The following ITGAV variants were observed in gnomAD, a reference collection of about 807,000 sequenced individuals.
ITGAV encodes integrin subunit alpha V, also known as integrin alpha-V.
A neutral mutation model predicts 143.8 loss-of-function variants in ITGAV; 76 were observed. That is an observed-to-expected ratio of 0.53 (90% CI 0.44 to 0.64). ITGAV has a LOEUF of 0.64. ITGAV is among the 30% of genes least tolerant of loss of function. ITGAV has a pLI of 0.00. For missense variants in ITGAV, 1,193 were observed against 1,274.7 expected, an observed-to-expected ratio of 0.94 and a Z score of 0.98; for synonymous variants, 453 against 446.7, an observed-to-expected ratio of 1.01 and a Z score of -0.18.
intron 25 of ITGAV, 35 bp downstream of exon 25, chr2:186,668,955 A>G (rs779827462): frequency 2.7e-6 from 4 of 1,494,770 alleles, no homozygotes; most frequent in African/African-American, 2.8e-5. Flanking sequence ...CATTACAATG[A>G]TATTTCATTG....
intron 26 of ITGAV, among the ~76,000 whole-genome samples, chr2:186,670,979 C>G (rs560441726): frequency 6.6e-6 from 1 of 152,296 alleles, no homozygotes; most frequent in African/African-American, 2.4e-5. Context: ...TGACTCCTCT[C>G]TTTCTCTCAA....
At position 186,626,882 on chromosome 2, in the gene ITGAV, C is replaced by T. The variant is rs371076056; in HGVS notation, c.523+1295C>T. ...GGTATTTTGGTTATGGTACTGTCAT[C>T]TTCGGTGGTATGTAGAGAATCTGAA... On this transcript the variant is annotated intron_variant, in intron 4 of 29. Coordinates refer to ENST00000261023, the MANE Select transcript of ITGAV (RefSeq NM_002210.5). Among the ~76,000 whole-genome samples, 8 of 152,104 alleles carry T rather than the reference C, an allele frequency of 5.3e-5. No individual in the cohort carries two copies. In the East Asian group the frequency reaches 1.5e-3, roughly 29 times the overall value.
In ITGAV at chr2:186,591,804, A is replaced by C. The variant is rs116771425; in HGVS notation, c.185+1281A>C. Among the ~76,000 whole-genome samples the C allele has an allele frequency of 2.9e-3, 448 of 152,152 alleles. 2 individuals are homozygous for C. Among genetic ancestry groups the C allele is most frequent in the African/African-American group, 0.01 (431 of 41,568 alleles). ...TAGTGGAGACATTATTTTATGTAGC[A>C]AGCTTAGTTTTATTTGTTGTTAGCA... On this transcript the variant is annotated intron_variant, in intron 1 of 29. Coordinates refer to ENST00000261023, the MANE Select transcript of ITGAV (RefSeq NM_002210.5).
intron 2 of ITGAV, among the ~76,000 whole-genome samples, chr2:186,604,437 C>G (rs1206041206): frequency 6.6e-6 from 1 of 152,006 alleles, no homozygotes; most frequent in Non-Finnish European, 1.5e-5. Flanking sequence ...TATTTCCAGT[C>G]TTTTATTATG....
intron 15 of ITGAV, among the ~76,000 whole-genome samples, chr2:186,653,167 G>A (rs1451497174): frequency 9.2e-5 from 14 of 151,700 alleles, no homozygotes; most frequent in African/African-American, 2.9e-4. Flanking sequence ...GGATGGTCTC[G>A]ATCTCCTGAC....
At chr2:186,649,805 A>G in intron 13 of ITGAV, 35 bp from the exon 14 acceptor site, 2 of 1,428,222 alleles carry the variant, frequency 1.4e-6, no homozygotes, top group African/African-American at 2.9e-5. Flanking sequence ...AAAAACCATT[A>G]TCATTATTAA....
rs61763156 is a variant in ITGAV, at chr2:186,666,445, T to G, written c.2167-259T>G. Among the ~76,000 whole-genome samples the G allele has an allele frequency of 9.9e-3, 1,514 of 152,308 alleles. 27 individuals carry two copies. The highest frequency in any genetic ancestry group is 0.034 in the African/African-American group (1,410 of 41,560). On this transcript the variant is annotated intron_variant, in intron 21 of 29. Coordinates refer to ENST00000261023, the MANE Select transcript of ITGAV (RefSeq NM_002210.5). ...ATCAACAAACATTTACTTTTGCACT[T>G]TTTAGAAAGATGGTTAGTATTATAA...
Position 186,646,708 on chromosome 2 carries a change from TG to T in ITGAV, c.1187del (p.Gly396ValfsTer18). On this transcript the variant is annotated frameshift_variant, in exon 13 of 30. Coordinates refer to ENST00000261023, the MANE Select transcript of ITGAV (RefSeq NM_002210.5). LOFTEE classifies it high-confidence loss of function. ...FNDIAIAAPYGGEDKKGIVYI... is the reference protein window; with the variant it reads ...FNDIAIAAPYXGEDKKGIVYI... ...CAGATATTGCAATTGCTGCTCCATA[TG>T]GGGGTGAAGATAAAAAAGGAATTGT... is the stretch of plus-strand genomic sequence containing the variant. 6.3e-7 allele frequency: 1 copy of T among 1,597,484 alleles called. No homozygotes were observed. Among genetic ancestry groups the T allele is most frequent in the Admixed American group, 1.7e-5 (1 of 59,032 alleles).
chr2:186,633,245 A>G, intron 5 of ITGAV, 84 bp from the exon 6 acceptor site: 1 of 755,102 alleles, frequency 1.3e-6, no homozygotes, highest in Non-Finnish European at 2.3e-6. Flanking sequence ...ATATACATAT[A>G]TATCTTATGT....
intron 5 of ITGAV, among the ~76,000 whole-genome samples, chr2:186,633,080 T>C (rs1453279537): frequency 6.7e-6 from 1 of 149,708 alleles, no homozygotes; most frequent in Non-Finnish European, 1.5e-5. Flanking sequence ...GCTGGGAAGA[T>C]AGCTTAAAGC....
intron 20 of ITGAV, 40 bp downstream of exon 20, chr2:186,664,681 G>T (rs201502494): frequency 6.2e-7 from 1 of 1,612,096 alleles, no homozygotes; most frequent in Admixed American, 1.7e-5. Flanking sequence ...ATGCACTCAC[G>T]GATCTTATTA....
intron 26 of ITGAV, among the ~76,000 whole-genome samples, chr2:186,672,481 TG>T (rs1689094166): frequency 6.6e-6 from 1 of 152,248 alleles, no homozygotes; most frequent in East Asian, 1.9e-4. Flanking sequence ...GTTTAACTTT[TG>T]GAGGAACTGC....
intron 4 of ITGAV, among the ~76,000 whole-genome samples, chr2:186,626,657 C>T (rs1687684208): frequency 6.6e-6 from 1 of 152,186 alleles, no homozygotes; most frequent in South Asian, 2.1e-4. Flanking sequence ...TCAATAAACA[C>T]TTATTTTCTT....
rs1338560239 is a variant in ITGAV, at chr2:186,680,472, A to C, written c.*3180A>C. 1 of 152,526 alleles carries C rather than the reference A, an allele frequency of 6.6e-6. No individual in the cohort carries two copies. The highest frequency in any genetic ancestry group is 1.9e-4 in the East Asian group (1 of 5,194). 9.4% of individuals were successfully genotyped at this position (152,526 alleles called of 1,614,324 possible). A position where few individuals can be genotyped will look rare whatever the true frequency, so the allele number is the denominator to read the frequency against. ...GTTTTTTGTCATTGTTCTCAAGTGC[A>C]ATATAACAATGTAACCAAATCTAGA... On this transcript the variant is annotated 3_prime_UTR_variant, in exon 30 of 30. Coordinates refer to ENST00000261023, the MANE Select transcript of ITGAV (RefSeq NM_002210.5).
intron 26 of ITGAV, 46 bp from the exon 27 acceptor site, chr2:186,675,558 A>G (rs200210151): frequency 1.2e-5 from 17 of 1,423,876 alleles, no homozygotes; most frequent in Admixed American, 5.1e-5. Flanking sequence ...TGTTGAAGAG[A>G]TGATAGAATG....
At chr2:186,670,408 C>A (rs1689032655) in intron 26 of ITGAV, among the ~76,000 whole-genome samples, 1 of 152,062 alleles carries the variant, frequency 6.6e-6, no homozygotes, top group Non-Finnish European at 1.5e-5. Flanking sequence ...TCAAGCAATC[C>A]TCCCCTATCA....
intron 2 of ITGAV, among the ~76,000 whole-genome samples, chr2:186,610,877 A>G (rs1687196827): frequency 6.6e-6 from 1 of 152,200 alleles, no homozygotes; most frequent in African/African-American, 2.4e-5. Flanking sequence ...TCATGTAGCA[A>G]ACCTAGACTG....
At chr2:186,601,976 C>T (rs1206496130) in intron 1 of ITGAV, 45 bp from the exon 2 acceptor site, 1 of 1,582,654 alleles carries the variant, frequency 6.3e-7, no homozygotes, top group Admixed American at 1.8e-5. Flanking sequence ...ATATTGCTTA[C>T]ACTTTGTTTC....
chr2:186,654,064 AG>A (rs1429712760), intron 15 of ITGAV, among the ~76,000 whole-genome samples: 1 of 152,080 alleles, frequency 6.6e-6, no homozygotes, highest in Non-Finnish European at 1.5e-5. Flanking sequence ...GGCTAGGCAC[AG>A]TGGCTCACTG....
Sources: allele counts gnomAD v4.1 joint callset (sites outside exome capture counted in the v4.1 genomes callset), GRCh38; gene constraint gnomAD v4.1.1; transcripts MANE v1.5; gene names NCBI Gene and HGNC (gene_info 2026-07-23, HGNC 2026-07-21).